CDK18: variants seen among roughly 807,000 people sequenced by gnomAD.
The protein encoded by CDK18 is cyclin dependent kinase 18, also known as cyclin-dependent kinase 18.
Under a neutral mutation model 62.0 loss-of-function variants are expected in CDK18, and 52 were observed. That is an observed-to-expected ratio of 0.84 (90% CI 0.67 to 1.06). The LOEUF (loss-of-function observed/expected upper bound fraction) is 1.06, where lower values mean the gene tolerates loss of function less well. CDK18 is among the 50% of genes least tolerant of loss of function. CDK18 has a pLI of 0.00. For missense variants in CDK18, 604 were observed against 619.9 expected, an observed-to-expected ratio of 0.97 and a Z score of 0.27; for synonymous variants, 237 against 247.0, an observed-to-expected ratio of 0.96 and a Z score of 0.38.
intron 1 of CDK18, among the ~76,000 whole-genome samples, chr1:205,512,191 T>C (rs940005742): frequency 6.6e-6 from 1 of 151,766 alleles, no homozygotes; most frequent in African/African-American, 2.4e-5. Flanking sequence ...AGCACGCGGG[T>C]GGTGGTTTCC....
intron 1 of CDK18, among the ~76,000 whole-genome samples, chr1:205,521,166 C>A (rs746490976): frequency 6.6e-5 from 10 of 152,206 alleles, no homozygotes; most frequent in Non-Finnish European, 1.5e-4. Context: ...GCCTCTGAAA[C>A]CCTCATGCCT....
chr1:205,519,115 C>T lies in CDK18; in HGVS notation c.-21-4032C>T, dbSNP rs138510683. ...ACAAAGGCTGTGCTGTGCCTGGCCC[C>T]GGGCTGGCCTCAGGCTGGTCATACT... On this transcript the variant is annotated intron_variant, in intron 1 of 15. Coordinates refer to ENST00000429964, the MANE Select transcript of CDK18 (RefSeq NM_212502.3). 5.6e-4 allele frequency among the ~76,000 whole-genome samples: 86 copies of T among 152,298 alleles called. 1 individual carries two copies. The East Asian group carries it at 0.016, about 28-fold the overall frequency.
intron 1 of CDK18, among the ~76,000 whole-genome samples, chr1:205,512,150 G>C (rs1252786550): frequency 6.6e-6 from 1 of 152,230 alleles, no homozygotes; most frequent in African/African-American, 2.4e-5. Context: ...GAGGGGCTTG[G>C]TGGGGCCAGG....
chr1:205,527,809 C>G lies in CDK18; in HGVS notation c.745C>G (p.Leu249Val). Residue 249 changes from leucine to valine, a missense_variant, in exon 9 of 16, where the codon CTG (leucine) becomes GTG (valine). Transcript: ENST00000429964. The surrounding 1 kb of genome is among the most constrained non-coding windows in gnomAD (Gnocchi z 4.1). ...MHNVKIFMFQ[L>V]LRGLAYCHHR... ...CCTCCCCCAGATTTTCATGTTCCAG[C>G]TGCTCCGGGGCCTCGCCTACTGTCA... The G allele has an allele frequency of 6.2e-7, 1 of 1,613,944 alleles. No homozygotes were observed. The highest frequency in any genetic ancestry group is 8.5e-7 in the Non-Finnish European group (1 of 1,179,872).
At chr1:205,506,566 A>C (rs1667315241) in intron 1 of CDK18, among the ~76,000 whole-genome samples, 1 of 152,220 alleles carries the variant, frequency 6.6e-6, no homozygotes, top group Non-Finnish European at 1.5e-5. Flanking sequence ...TTTATGAAGT[A>C]GGTATTATTA....
Position 205,527,500 on chromosome 1 carries a change from A to T in CDK18, c.730-294A>T. 3.7e-6 allele frequency: 1 copy of T among 272,138 alleles called. No individual in the cohort carries two copies. Among genetic ancestry groups the T allele is most frequent in the Non-Finnish European group, 6.9e-6 (1 of 144,714 alleles). 16.9% of individuals were successfully genotyped at this position (272,138 alleles called of 1,614,324 possible). On this transcript the variant is annotated intron_variant, in intron 8 of 15. Transcript: ENST00000429964. This position sits in a 1 kb window ranked among gnomAD's most constrained non-coding sequence, Gnocchi z 4.1. ...ACTCTAAAAGAAAAAAAAAAAAAAA[A>T]GGGATCAAGCACATATGTCTCCACA...
At chr1:205,507,728 T>C (rs1023133554) in intron 1 of CDK18, among the ~76,000 whole-genome samples, 2 of 151,614 alleles carry the variant, frequency 1.3e-5, no homozygotes, top group African/African-American at 4.8e-5. Flanking sequence ...TTGGTGGTGC[T>C]TGTTTGGAAA....
At chr1:205,505,108 T>A (rs1667242223) in intron 1 of CDK18, among the ~76,000 whole-genome samples, 1 of 151,602 alleles carries the variant, frequency 6.6e-6, no homozygotes, top group African/African-American at 2.4e-5. Flanking sequence ...CCTTAGGGAG[T>A]CTCCATCTGG....
At chr1:205,526,268 G>T in intron 6 of CDK18, 89 bp downstream of exon 6, 1 of 1,459,810 alleles carries the variant, frequency 6.9e-7, no homozygotes, top group South Asian at 1.1e-5. Context: ...GGGGGTAGAG[G>T]ATCATTGCTG....
rs189812189 is a variant in CDK18, at chr1:205,507,230, A to C, written c.-22+2434A>C. 2.0e-3 allele frequency among the ~76,000 whole-genome samples: 308 copies of C among 152,342 alleles called. 7 individuals carry two copies. Among genetic ancestry groups the C allele is most frequent in the Non-Finnish European group, 8.2e-4 (56 of 68,040 alleles). Reference sequence around the variant, plus strand: ...CAAACTTCTGGCCTTGGTGGAATCCAGCTCCAGCATATAGTAGCTATGTGA... The same window carrying C: ...CAAACTTCTGGCCTTGGTGGAATCCCGCTCCAGCATATAGTAGCTATGTGA... On this transcript the variant is annotated intron_variant, in intron 1 of 15. Coordinates refer to ENST00000429964, the MANE Select transcript of CDK18 (RefSeq NM_212502.3).
intron 13 of CDK18, 86 bp downstream of exon 13, chr1:205,529,649 T>C (rs371883198): frequency 6.2e-7 from 1 of 1,604,554 alleles, no homozygotes; most frequent in Non-Finnish European, 8.5e-7. Flanking sequence ...CCCCAACTTC[T>C]GTGGCTCGTG....
chr1:205,505,064 G>C (rs570651142), intron 1 of CDK18, among the ~76,000 whole-genome samples: 1 of 152,252 alleles, frequency 6.6e-6, no homozygotes, highest in South Asian at 2.1e-4. Context: ...TGCTTGAGAG[G>C]GAGGGTTATT....
intron 1 of CDK18, chr1:205,505,027 C>T (rs530789843): frequency 2.0e-5 from 3 of 152,434 alleles, no homozygotes; most frequent in Admixed American, 6.5e-5. Context: ...GGGGGGTGCC[C>T]TCGAAAGGCC....
chr1:205,531,232 C>T, intron 15 of CDK18, 112 bp from the exon 16 acceptor site: 1 of 937,334 alleles, frequency 1.1e-6, no homozygotes. Context: ...GTTTGCATGC[C>T]CTTGCTTGCT....
chr1:205,525,892 A>G (rs911028995), intron 5 of CDK18, among the ~76,000 whole-genome samples, 173 bp from the exon 6 acceptor site: 2 of 152,198 alleles, frequency 1.3e-5, no homozygotes, highest in African/African-American at 2.4e-5. Context: ...CTGGGGAGTC[A>G]TTAGGGATGC....
intron 1 of CDK18, among the ~76,000 whole-genome samples, chr1:205,518,772 T>C (rs1302432937): frequency 6.6e-6 from 1 of 152,212 alleles, no homozygotes; most frequent in African/African-American, 2.4e-5. Flanking sequence ...AAGTGCTGGC[T>C]TTCTTCCCAG....
rs1046517293 is a variant in CDK18 at position 205,505,154 on chromosome 1, A to C, written c.-22+358A>C. Among the ~76,000 whole-genome samples the C allele has an allele frequency of 2.6e-5, 4 of 152,140 alleles. No individual in the cohort carries two copies. In the East Asian group the frequency reaches 7.7e-4, roughly 29 times the overall value. On this transcript the variant is annotated intron_variant, in intron 1 of 15. Coordinates refer to ENST00000429964, the MANE Select transcript of CDK18 (RefSeq NM_212502.3). ...GCCCCTGGGCTCCCGTCTGAACCCT[A>C]CAAAGCAAAGTTTTCCACCCAGTCC...
rs765911809 is a variant in CDK18 at position 205,523,670 on chromosome 1, G to A, written c.273+45G>A. 16 of 1,543,944 alleles carry A rather than the reference G, an allele frequency of 1.0e-5. No homozygotes were observed. The East Asian group carries it at 2.4e-4, about 23-fold the overall frequency. ...TGCCCCGGCAGGTGGCAGGATGCAC[G>A]CACAAGGGTGTGCACAGGAGGGCAG... On this transcript the variant is annotated intron_variant, in intron 3 of 15. Coordinates refer to ENST00000429964, the MANE Select transcript of CDK18 (RefSeq NM_212502.3).
chr1:205,530,532 C>A, intron 14 of CDK18, 96 bp from the exon 15 acceptor site: 2 of 1,254,164 alleles, frequency 1.6e-6, no homozygotes, highest in Non-Finnish European at 2.3e-6. Context: ...GGAAATGAGA[C>A]GCTGCCTCGA....
Sources: gnomAD v4.1 joint callset for allele counts (sites outside exome capture counted in the v4.1 genomes callset) on GRCh38, gnomAD v4.1.1 for gene constraint, Gnocchi (gnomAD v3.1) non-coding constraint, MANE v1.5 for transcripts, NCBI Gene and HGNC (gene_info 2026-07-23, HGNC 2026-07-21) for gene names.